TBC1D16: variants seen among roughly 807,000 people sequenced by gnomAD.
TBC1D16 encodes the protein CTD-2529O21.1.
In TBC1D16, 58 loss-of-function variants were observed where a neutral mutation model predicts 74.7. The ratio of observed to expected loss-of-function variants is 0.78; its 90% CI spans 0.63 to 0.97. The LOEUF (loss-of-function observed/expected upper bound fraction) is 0.97, where lower values mean the gene tolerates loss of function less well. TBC1D16 is among the 50% of genes least tolerant of loss of function. The pLI, the probability that TBC1D16 is intolerant of heterozygous loss-of-function variation, is 0.00. For missense variants in TBC1D16, 1,014 were observed against 1,079.5 expected (o/e 0.94, Z 0.85); for synonymous variants, 493 against 474.7 (o/e 1.04, Z -0.50).
intron 2 of TBC1D16, among the ~76,000 whole-genome samples, chr17:80,012,966 C>T (rs2035947432): frequency 6.6e-6 from 1 of 152,214 alleles, no homozygotes; most frequent in African/African-American, 2.4e-5. Context: ...CCTCTCTGAA[C>T]ACCAGCGTCC....
At chr17:80,024,185 G>A (rs2036400662) in intron 1 of TBC1D16, among the ~76,000 whole-genome samples, 1 of 133,286 alleles carries the variant, frequency 7.5e-6, no homozygotes, top group Non-Finnish European at 1.7e-5. Flanking sequence ...CAGCCCACCA[G>A]GCAGGACTGC....
At chr17:79,965,625 G>A (rs942399439) in intron 3 of TBC1D16, among the ~76,000 whole-genome samples, 5 of 152,042 alleles carry the variant, frequency 3.3e-5, no homozygotes, top group African/African-American at 7.3e-5. Flanking sequence ...TCATGTCCCC[G>A]GGTTTCAGAA....
Position 80,018,543 on chromosome 17 carries a change from A to T in TBC1D16, c.-62-4934T>A, listed in dbSNP as rs1236561893. Among the ~76,000 whole-genome samples the T allele has an allele frequency of 2.0e-5, 3 of 149,750 alleles. No homozygotes were observed. In the East Asian group the frequency reaches 5.8e-4, roughly 29 times the overall value. On this transcript the variant is annotated intron_variant, in intron 1 of 11. Transcript: ENST00000310924. The stretch of plus-strand genomic sequence containing the variant: ...GTGATCCGCCTGCCTCGGCCTCCCA[A>T]AGTGCTGGGATTACAGGCGTGAGCC...
chr17:79,935,337 A>T lies in TBC1D16; in HGVS notation c.*5522T>A, dbSNP rs1405552058. On this transcript the variant is annotated 3_prime_UTR_variant, in exon 12 of 12. Coordinates refer to ENST00000310924, the MANE Select transcript of TBC1D16 (RefSeq NM_019020.4). ...GAGCTGCTCTTCCTCCTGGCAGCCCAGCCTGCAGGCCTAGTGCTGTCCAAC... is the reference window on the plus strand; with the variant it reads ...GAGCTGCTCTTCCTCCTGGCAGCCCTGCCTGCAGGCCTAGTGCTGTCCAAC... The T allele has an allele frequency of 6.6e-6, 1 of 152,258 alleles. No individual in the cohort carries two copies. The highest frequency in any genetic ancestry group is 1.5e-5 in the Non-Finnish European group (1 of 68,086). The allele number at this position is 152,258 out of a possible 1,614,324, so 9.4% of individuals were successfully genotyped here. A position where few individuals can be genotyped will look rare whatever the true frequency, so the allele number is the denominator to read the frequency against.
chr17:79,943,410 G>GCCGTC (rs2032203631), intron 10 of TBC1D16, among the ~76,000 whole-genome samples: 1 of 152,136 alleles, frequency 6.6e-6, no homozygotes, highest in Non-Finnish European at 1.5e-5. Context: ...CCCAGGACAG[G>GCCGTC]CAGGGCGTAG....
chr17:80,034,552 C>G (rs2036887231), intron 1 of TBC1D16, among the ~76,000 whole-genome samples: 1 of 152,186 alleles, frequency 6.6e-6, no homozygotes, highest in Admixed American at 6.5e-5. Flanking sequence ...TCACCATAAA[C>G]ATGCCACTTA....
chr17:80,023,625 C>G (rs1462833168), intron 1 of TBC1D16, among the ~76,000 whole-genome samples: 4 of 148,858 alleles, frequency 2.7e-5, no homozygotes, highest in Non-Finnish European at 4.4e-5. Flanking sequence ...TTCCTCACCT[C>G]GGTGCAGGCC....
intron 3 of TBC1D16, among the ~76,000 whole-genome samples, chr17:79,989,403 T>C (rs567713877): frequency 2.6e-5 from 4 of 152,376 alleles, no homozygotes; most frequent in African/African-American, 7.2e-5. Flanking sequence ...ACTGTGGCCT[T>C]GATCGGGCCC....
In TBC1D16 at chr17:79,987,978, G is replaced by A. The variant is rs942757283; in HGVS notation, c.779+22182C>T. ...TCGAGGGAAGAATCCTAAATGTGGGGAAATGAGGTTGCCCAGCAATTCTGA... is the reference window on the plus strand; with the variant it reads ...TCGAGGGAAGAATCCTAAATGTGGGAAAATGAGGTTGCCCAGCAATTCTGA... On this transcript the variant is annotated intron_variant, in intron 3 of 11. Coordinates refer to ENST00000310924, the MANE Select transcript of TBC1D16 (RefSeq NM_019020.4). This position sits in a 1 kb window ranked among gnomAD's most constrained non-coding sequence, Gnocchi z 5.2. Among the ~76,000 whole-genome samples the A allele has an allele frequency of 2.0e-5, 3 of 152,082 alleles. No homozygotes were observed. Among genetic ancestry groups the A allele is most frequent in the Non-Finnish European group, 2.9e-5 (2 of 68,028 alleles).
At chr17:79,957,082 G>A (rs1447802018) in intron 3 of TBC1D16, among the ~76,000 whole-genome samples, 1 of 152,184 alleles carries the variant, frequency 6.6e-6, no homozygotes, top group Non-Finnish European at 1.5e-5. Context: ...GTTCTGTCTG[G>A]TTTCTGGAAA....
In TBC1D16 at chr17:79,950,334, G is replaced by A. The variant is rs566764056; in HGVS notation, c.1257+77C>T. 5.6e-5 allele frequency: 82 copies of A among 1,473,646 alleles called. No individual in the cohort carries two copies. In the African/African-American group the frequency reaches 1.1e-3, roughly 19 times the overall value. 91.3% of individuals were successfully genotyped at this position (1,473,646 alleles called of 1,614,324 possible). A position where few individuals can be genotyped will look rare whatever the true frequency, so the allele number is the denominator to read the frequency against. On this transcript the variant is annotated intron_variant, in intron 6 of 11. Coordinates refer to ENST00000310924, the MANE Select transcript of TBC1D16 (RefSeq NM_019020.4). The surrounding 1 kb of genome is among the most constrained non-coding windows in gnomAD (Gnocchi z 4.6). The stretch of plus-strand genomic sequence containing the variant: ...GGGTGCGGGCGGGCGGCCAGGCCCC[G>A]GCCCTCCTTCCCTCTCGCTCGTTCC...
chr17:79,950,310 G>T lies in TBC1D16; in HGVS notation c.1257+101C>A. 7.4e-7 allele frequency: 1 copy of T among 1,353,968 alleles called. No homozygotes were observed. The highest frequency in any genetic ancestry group is 9.8e-7 in the Non-Finnish European group (1 of 1,023,598). 83.9% of individuals were successfully genotyped at this position (1,353,968 alleles called of 1,614,324 possible). Reference sequence around the variant, plus strand: ...GGCCCTCACGAGGAGGTGGCCCGTGGGTGCGGGCGGGCGGCCAGGCCCCGG... The same window carrying T: ...GGCCCTCACGAGGAGGTGGCCCGTGTGTGCGGGCGGGCGGCCAGGCCCCGG... On this transcript the variant is annotated intron_variant, in intron 6 of 11. Transcript: ENST00000310924. This position sits in a 1 kb window ranked among gnomAD's most constrained non-coding sequence, Gnocchi z 4.6.
At chr17:79,942,664 C>A (rs1024032999) in intron 10 of TBC1D16, among the ~76,000 whole-genome samples, 3 of 152,170 alleles carry the variant, frequency 2.0e-5, no homozygotes, top group Admixed American at 2.0e-4. Context: ...TCATGGAATG[C>A]GCCTCTGGCA....
At position 79,988,012 on chromosome 17, in the gene TBC1D16, T is replaced by TA. The variant is rs954315348; in HGVS notation, c.779+22147dup. 6.7e-5 allele frequency among the ~76,000 whole-genome samples: 10 copies of TA among 150,324 alleles called. No homozygotes were observed. Among genetic ancestry groups the TA allele is most frequent in the South Asian group, 2.1e-4 (1 of 4,738 alleles). On this transcript the variant is annotated intron_variant, in intron 3 of 11. Coordinates refer to ENST00000310924, the MANE Select transcript of TBC1D16 (RefSeq NM_019020.4). The surrounding 1 kb of genome is among the most constrained non-coding windows in gnomAD (Gnocchi z 5.7). ...TTGCCCAGCAATTCTGAATGTGGTTTAAAAAAAAAATTAGGTGGGGGAGAA... is the reference window on the plus strand; with the variant it reads ...TTGCCCAGCAATTCTGAATGTGGTTTAAAAAAAAAAATTAGGTGGGGGAGAA...
chr17:79,952,878 G>A (rs990616767), intron 3 of TBC1D16, 60 bp from the exon 4 acceptor site: 16 of 1,546,712 alleles, frequency 1.0e-5, no homozygotes, highest in Admixed American at 1.8e-5. Context: ...TACCCAGAGG[G>A]GGACGGGGGT....
intron 3 of TBC1D16, among the ~76,000 whole-genome samples, chr17:79,977,855 G>A (rs2034397469): frequency 6.6e-6 from 1 of 152,244 alleles, no homozygotes; most frequent in African/African-American, 2.4e-5. Flanking sequence ...CTGTGCACGG[G>A]AGGGCGATTG....
rs1414629851 is a variant in TBC1D16 at position 79,944,280 on chromosome 17, T to C, written c.1908+628A>G. Among the ~76,000 whole-genome samples the C allele has an allele frequency of 6.6e-6, 1 of 152,182 alleles. No individual in the cohort carries two copies. The highest frequency in any genetic ancestry group is 1.5e-5 in the Non-Finnish European group (1 of 68,020). On this transcript the variant is annotated intron_variant, in intron 10 of 11. Transcript: ENST00000310924. The surrounding 1 kb of genome is among the most constrained non-coding windows in gnomAD (Gnocchi z 7.7). ...GGATGCGTCGATGTGAGTTTTTTTT[T>C]TAAAAGGCTGATGGACTCAAAGAGA... is the stretch of plus-strand genomic sequence containing the variant.
chr17:80,028,541 GAAAA>G (rs1018689901), intron 1 of TBC1D16, among the ~76,000 whole-genome samples: 2 of 148,882 alleles, frequency 1.3e-5, no homozygotes, highest in African/African-American at 5.0e-5. Context: ...AAAAGAAAAA[GAAAA>G]AAAAGAATGA....
Position 80,012,535 on chromosome 17 carries a change from A to T in TBC1D16, c.181+832T>A, listed in dbSNP as rs531916045. 2.0e-5 allele frequency among the ~76,000 whole-genome samples: 3 copies of T among 152,224 alleles called. No homozygotes were observed. In the East Asian group the frequency reaches 5.8e-4, roughly 29 times the overall value. Reference sequence around the variant, plus strand: ...TTTATTTATTCAGTATTCGATTGAAACATAATCTGCATAAAGTGCCCAGAT... The same window carrying T: ...TTTATTTATTCAGTATTCGATTGAATCATAATCTGCATAAAGTGCCCAGAT... On this transcript the variant is annotated intron_variant, in intron 2 of 11. Coordinates refer to ENST00000310924, the MANE Select transcript of TBC1D16 (RefSeq NM_019020.4).
Sources: gnomAD v4.1 joint callset for allele counts (sites outside exome capture counted in the v4.1 genomes callset) on GRCh38, gnomAD v4.1.1 for gene constraint, Gnocchi (gnomAD v3.1) non-coding constraint, MANE v1.5 for transcripts, NCBI Gene and HGNC (gene_info 2026-07-23, HGNC 2026-07-21) for gene names.